The following KLHL3 variants were observed in gnomAD, a reference collection of about 807,000 sequenced individuals.
KLHL3 encodes the protein kelch like family member 3.
KLHL3 carries 19 observed loss-of-function variants against 70.5 expected under a neutral mutation model. The observed-to-expected ratio is 0.27, with a 90% CI of 0.19 to 0.40. The LOEUF is 0.40. Among genes scored for constraint, KLHL3 ranks in the 10% least tolerant of loss-of-function variants. KLHL3 has a pLI of 1.00. For synonymous variants in KLHL3, 258 were observed against 290.3 expected (o/e 0.89, Z 1.13); for missense variants, 512 against 771.1 (o/e 0.66, Z 3.98).
chr5:137,734,351 C>T (rs1753227665), intron 1 of KLHL3, among the ~76,000 whole-genome samples: 1 of 152,060 alleles, frequency 6.6e-6, no homozygotes, highest in African/African-American at 2.4e-5. Context: ...CAACACTAAA[C>T]TCCTGTTGCA....
intron 5 of KLHL3, among the ~76,000 whole-genome samples, chr5:137,685,858 T>C (rs921835723): frequency 2.0e-5 from 3 of 152,170 alleles, no homozygotes; most frequent in South Asian, 4.1e-4. Flanking sequence ...AGCATACATA[T>C]ACAATGAAAA....
chr5:137,681,939 C>T (rs1196225218), intron 5 of KLHL3, among the ~76,000 whole-genome samples: 1 of 152,118 alleles, frequency 6.6e-6, no homozygotes, highest in African/African-American at 2.4e-5. Flanking sequence ...CACCATATAA[C>T]TTTCAGTCTT....
At position 137,622,106 on chromosome 5, in the gene KLHL3, A is replaced by C. The variant is rs779315207; in HGVS notation, c.1756T>G (p.Ser586Ala). The part of the protein sequence containing the change: ...SYAGVAVIHK[S>A]L ...GGCAGTAGGAGTTTGGGTCACAAGG[A>C]CTTGTGAATCACGGCAACACCTAAT... is the stretch of plus-strand genomic sequence containing the variant. The change falls in exon 15 of 15, where the codon TCC becomes GCC. Residue 586 changes from serine to alanine, a missense_variant. Coordinates refer to ENST00000309755, the MANE Select transcript of KLHL3 (RefSeq NM_017415.3). 6.2e-7 allele frequency: 1 copy of C among 1,614,034 alleles called. No individual in the cohort carries two copies. Among genetic ancestry groups the C allele is most frequent in the African/African-American group, 1.3e-5 (1 of 74,920 alleles).
At chr5:137,630,952 G>A (rs1750619928) in intron 12 of KLHL3, among the ~76,000 whole-genome samples, 1 of 151,620 alleles carries the variant, frequency 6.6e-6, no homozygotes, top group Non-Finnish European at 1.5e-5. Context: ...TTTGAAACCA[G>A]TGAGCACACA....
chr5:137,657,861 A>C (rs1751380119), intron 8 of KLHL3, among the ~76,000 whole-genome samples: 1 of 152,228 alleles, frequency 6.6e-6, no homozygotes, highest in Non-Finnish European at 1.5e-5. Flanking sequence ...TGAAATGAGA[A>C]GTCAGGGTGG....
chr5:137,682,081 A>T (rs1200797834), intron 5 of KLHL3, among the ~76,000 whole-genome samples: 1 of 152,056 alleles, frequency 6.6e-6, no homozygotes, highest in Non-Finnish European at 1.5e-5. Context: ...CCATTTCCTA[A>T]TACTAGCTAA....
At chr5:137,648,054 C>A (rs1751100634) in intron 8 of KLHL3, among the ~76,000 whole-genome samples, 1 of 152,208 alleles carries the variant, frequency 6.6e-6, no homozygotes, top group Non-Finnish European at 1.5e-5. Context: ...ATCTGATTAA[C>A]ACTAGTGTCA....
At chr5:137,622,159 A>C (rs375616275) in intron 14 of KLHL3, 33 bp from the exon 15 acceptor site, 27 of 1,613,470 alleles carry the variant, frequency 1.7e-5, no homozygotes, top group Non-Finnish European at 2.3e-5. Context: ...TTATCATCTT[A>C]GCTTCTCCAA....
At chr5:137,734,461 A>G (rs1268535754) in intron 1 of KLHL3, among the ~76,000 whole-genome samples, 1 of 152,232 alleles carries the variant, frequency 6.6e-6, no homozygotes, top group African/African-American at 2.4e-5. Flanking sequence ...TCTACAGACA[A>G]AAGAATGACA....
At chr5:137,628,266 C>G in intron 13 of KLHL3, 31 bp downstream of exon 13, 1 of 1,612,972 alleles carries the variant, frequency 6.2e-7, no homozygotes, top group Non-Finnish European at 8.5e-7. Flanking sequence ...CACACAACCC[C>G]CAAAGGGGAG....
Position 137,618,989 on chromosome 5 carries a change from C to T in KLHL3, c.*3109G>A, listed in dbSNP as rs1756319630. On this transcript the variant is annotated 3_prime_UTR_variant, in exon 15 of 15. Transcript: ENST00000309755. ...GGAAGAGAGCTACAGGCATGAACTA[C>T]GTTTGAGAGTGAATGATGCAAAGAA... 1.3e-5 allele frequency: 2 copies of T among 151,012 alleles called. No homozygotes were observed. Among genetic ancestry groups the T allele is most frequent in the African/African-American group, 2.4e-5 (1 of 41,096 alleles). The allele number at this position is 151,012 out of a possible 1,614,324, so 9.4% of individuals were successfully genotyped here.
At chr5:137,696,237 G>C (rs1253129399) in intron 4 of KLHL3, among the ~76,000 whole-genome samples, 1 of 152,262 alleles carries the variant, frequency 6.6e-6, no homozygotes, top group African/African-American at 2.4e-5. Context: ...GCATCAGCCA[G>C]GGGGCGCAGG....
intron 14 of KLHL3, 136 bp downstream of exon 14, chr5:137,625,617 C>A (rs1295276922): frequency 4.7e-6 from 4 of 847,426 alleles, no homozygotes; most frequent in Non-Finnish European, 7.5e-6. Context: ...GTAACAATTA[C>A]CTGTCATCCC....
intron 3 of KLHL3, among the ~76,000 whole-genome samples, chr5:137,709,262 C>A (rs1395782558): frequency 2.6e-5 from 4 of 152,198 alleles, no homozygotes; most frequent in Non-Finnish European, 5.9e-5. Flanking sequence ...AGGTCCAGGG[C>A]CCCTGTCTGG....
chr5:137,638,291 G>A (rs1034662), intron 10 of KLHL3, among the ~76,000 whole-genome samples: 27,219 of 152,064 alleles, frequency 0.18, 2,897 homozygotes, highest in East Asian at 0.41. Flanking sequence ...AAAATTCAGC[G>A]AAGTAAAAAA....
Position 137,714,677 on chromosome 5 carries a change from C to G in KLHL3, c.135-4821G>C, listed in dbSNP as rs141206536. ...AGGGGATGACTGCTAAAGAATACAG[C>G]GTTTCTATTTAGGGTGATGAAAATA... On this transcript the variant is annotated intron_variant, in intron 2 of 14. Transcript: ENST00000309755. Among the ~76,000 whole-genome samples, 1,397 of 152,196 alleles carry G rather than the reference C, an allele frequency of 9.2e-3. 26 individuals carry two copies. The highest frequency in any genetic ancestry group is 0.032 in the African/African-American group (1,315 of 41,516).
chr5:137,650,308 C>T (rs1474565112), intron 8 of KLHL3, among the ~76,000 whole-genome samples: 1 of 152,160 alleles, frequency 6.6e-6, no homozygotes, highest in African/African-American at 2.4e-5. Context: ...TAACTCCTTA[C>T]CCCTCTCTGT....
chr5:137,691,362 G>C (rs1007984264), intron 5 of KLHL3, among the ~76,000 whole-genome samples: 2 of 152,218 alleles, frequency 1.3e-5, no homozygotes, highest in Admixed American at 6.5e-5. Flanking sequence ...TAAAGGGAAA[G>C]TCTGCAAAAG....
chr5:137,682,414 A>AGAGAGAGAGAGAGAGAGG, intron 5 of KLHL3, among the ~76,000 whole-genome samples: 1 of 151,098 alleles, frequency 6.6e-6, no homozygotes, highest in Non-Finnish European at 1.5e-5. Flanking sequence ...AGAGAGAGAG[A>AGAGAGAGAGAGAGAGAGG]GAGAGAGAGA....
Sources: gnomAD v4.1 joint callset for allele counts (sites outside exome capture counted in the v4.1 genomes callset) on GRCh38, gnomAD v4.1.1 for gene constraint, MANE v1.5 for transcripts, NCBI Gene and HGNC (gene_info 2026-07-23, HGNC 2026-07-21) for gene names.